The following GPS1 variants were observed in gnomAD, a reference collection of about 807,000 sequenced individuals.
The protein encoded by GPS1 is G protein pathway suppressor 1.
A neutral mutation model predicts 60.0 loss-of-function variants in GPS1; 11 were observed. The ratio of observed to expected loss-of-function variants is 0.18; its 90% confidence interval spans 0.12 to 0.30. The LOEUF is 0.30. Among genes scored for constraint, GPS1 ranks in the 10% least tolerant of loss-of-function variants. The pLI, the probability that GPS1 is intolerant of heterozygous loss-of-function variation, is 1.00. For missense variants in GPS1, 543 were observed against 669.2 expected (o/e 0.81, Z 2.08); for synonymous variants, 343 against 269.8 (o/e 1.27, Z -2.66).
chr17:82,053,735 A>G (rs974879884), intron 2 of GPS1, 133 bp from the exon 3 acceptor site: 10 of 863,060 alleles, frequency 1.2e-5, no homozygotes, highest in African/African-American at 6.8e-5. Flanking sequence ...TCGTACCCCC[A>G]TGCCCGGTTC....
upstream of GPS1, chr17:82,051,024 G>A (rs1240709018): frequency 3.6e-6 from 5 of 1,396,978 alleles, no homozygotes; most frequent in African/African-American, 1.5e-5. The surrounding 1 kb of genome is among the most constrained non-coding windows in gnomAD (Gnocchi z 4.1). Flanking sequence ...GGCCTGGAAG[G>A]GCGGATTCCC....
At chr17:82,052,683 G>C in intron 1 of GPS1, 1 of 573,860 alleles carries the variant, frequency 1.7e-6, no homozygotes, top group Non-Finnish European at 3.1e-6. Context: ...GCGAGTGCCC[G>C]GCATGGCGGC....
intron 7 of GPS1, 42 bp from the exon 8 acceptor site, chr17:82,055,959 C>G (rs2032600812): frequency 1.3e-6 from 2 of 1,506,926 alleles, no homozygotes; most frequent in African/African-American, 2.8e-5. Context: ...CAGGGGTGGC[C>G]TGGCCCTTCA....
chr17:82,051,148 C>T (rs965534852), upstream of GPS1: 37 of 1,312,246 alleles, frequency 2.8e-5, no homozygotes, highest in Non-Finnish European at 3.6e-5. This position sits in a 1 kb window ranked among gnomAD's most constrained non-coding sequence, Gnocchi z 4.1. Context: ...CCGCAGGCCG[C>T]GTGACCTGGG....
At chr17:82,052,574 A>G (rs1365103798) in intron 1 of GPS1, 1 of 1,287,286 alleles carries the variant, frequency 7.8e-7, no homozygotes, top group Non-Finnish European at 1.1e-6. Context: ...CTCAGTGCCA[A>G]GCGCAGGAGG....
rs1598476292 is a variant in GPS1 at position 82,051,958 on chromosome 17, C to T, written c.27C>T (p.Asn9=). 2.6e-6 allele frequency: 3 copies of T among 1,165,470 alleles called. No homozygotes were observed. The highest frequency in any genetic ancestry group is 3.2e-6 in the Non-Finnish European group (3 of 944,140). The allele number at this position is 1,165,470 out of a possible 1,614,324, so 72.2% of individuals were successfully genotyped here. Residue 9 remains asparagine, a synonymous_variant, in exon 1 of 13, where the codon AAC becomes AAT. Transcript: ENST00000578552. This position sits in a 1 kb window ranked among gnomAD's most constrained non-coding sequence, Gnocchi z 4.1. The stretch of plus-strand genomic sequence containing the variant: ...TGCCGCTGCCGGTTCAGGTGTTTAA[C>T]TTGCAGGTAACGAGCCGAGGCCGCC... The part of the protein sequence containing the change: MPLPVQVF[N]LQGAVEPMQI...
chr17:82,053,688 C>A, intron 2 of GPS1, 180 bp from the exon 3 acceptor site: 1 of 650,486 alleles, frequency 1.5e-6, no homozygotes, highest in Non-Finnish European at 2.6e-6. Flanking sequence ...CAGGCCCACC[C>A]CAGCGGTCTT....
intron 1 of GPS1, chr17:82,052,694 T>G: frequency 1.8e-6 from 1 of 556,994 alleles, no homozygotes; most frequent in Non-Finnish European, 3.2e-6. Flanking sequence ...GCATGGCGGC[T>G]TTTCCAGCCT....
At chr17:82,056,219 T>C in intron 8 of GPS1, 67 bp from the exon 9 acceptor site, 2 of 1,357,154 alleles carry the variant, frequency 1.5e-6, no homozygotes, top group Non-Finnish European at 2.1e-6. Context: ...TGGGGACTGG[T>C]GTCCCACTGG....
At position 82,051,962 on chromosome 17, in the gene GPS1, C is replaced by A; in HGVS notation, c.31C>A (p.Gln11Lys). 1 of 1,163,904 alleles carries A rather than the reference C, an allele frequency of 8.6e-7. No homozygotes were observed. The highest frequency in any genetic ancestry group is 3.8e-5 in the East Asian group (1 of 26,134). 72.1% of individuals were successfully genotyped at this position (1,163,904 alleles called of 1,614,324 possible). A position where few individuals can be genotyped will look rare whatever the true frequency, so the allele number is the denominator to read the frequency against. Residue 11 changes from glutamine (Q) to lysine (K), a missense_variant and splice_region_variant, in exon 1 of 13, where the codon CAG (glutamine) becomes AAG (lysine). Gln to Lys is a moderately conservative substitution (Grantham distance 53). Transcript: ENST00000578552. The surrounding 1 kb of genome is among the most constrained non-coding windows in gnomAD (Gnocchi z 4.1). MPLPVQVFNL[Q>K]GAVEPMQIDV... ...GCTGCCGGTTCAGGTGTTTAACTTG[C>A]AGGTAACGAGCCGAGGCCGCCCCGG...
At chr17:82,053,233 G>A (rs776597042) in intron 1 of GPS1, 41 bp from the exon 2 acceptor site, 12 of 1,476,056 alleles carry the variant, frequency 8.1e-6, no homozygotes, top group Non-Finnish European at 1.1e-5. Flanking sequence ...TCCTGGGGCA[G>A]TCCCCAGGAC....
At chr17:82,051,032 C>A, upstream of GPS1, 2 of 1,394,316 alleles carry the variant, frequency 1.4e-6, no homozygotes, top group Non-Finnish European at 1.9e-6. This position sits in a 1 kb window ranked among gnomAD's most constrained non-coding sequence, Gnocchi z 4.1. Context: ...AGGGCGGATT[C>A]CCTGCTGGCG....
intron 1 of GPS1, chr17:82,053,016 G>C (rs2031381252): frequency 3.0e-6 from 1 of 332,552 alleles, no homozygotes; most frequent in Admixed American, 4.8e-5. Flanking sequence ...GAGATGAGCG[G>C]CTAGAATCAG....
upstream of GPS1, chr17:82,051,506 G>T (rs1313843621): frequency 2.9e-6 from 4 of 1,384,874 alleles, no homozygotes; most frequent in African/African-American, 6.1e-5. The surrounding 1 kb of genome is among the most constrained non-coding windows in gnomAD (Gnocchi z 4.1). Context: ...GCACCTGCTG[G>T]CGGGCCCGGG....
At chr17:82,052,573 A>G (rs937852941) in intron 1 of GPS1, 1 of 1,303,926 alleles carries the variant, frequency 7.7e-7, no homozygotes, top group Admixed American at 2.5e-5. Context: ...ACTCAGTGCC[A>G]AGCGCAGGAG....
intron 1 of GPS1, 101 bp downstream of exon 1, chr17:82,052,065 G>T: frequency 1.1e-6 from 1 of 945,286 alleles, no homozygotes; most frequent in South Asian, 5.0e-5. Context: ...GCCAGGAGTC[G>T]GTCGGGCACG....
At position 82,054,954 on chromosome 17, in the gene GPS1, G is replaced by A; in HGVS notation, c.666G>A (p.Glu222=). ...TGCTCAGCTACGTCAGCAAGGCTGA[G>A]TCCACCCCAGAGATTGCCGAGGTAC... ...SHVLSYVSKA[E]STPEIAEQRG... Residue 222 remains glutamate (E), a synonymous_variant, in exon 5 of 13, where the codon GAG becomes GAA. Coordinates refer to ENST00000578552, the MANE Select transcript of GPS1 (RefSeq NM_001321092.3). 1 of 1,612,760 alleles carries A rather than the reference G, an allele frequency of 6.2e-7. No homozygotes were observed. Among genetic ancestry groups the A allele is most frequent in the South Asian group, 1.1e-5 (1 of 91,020 alleles).
chr17:82,052,025 G>A, intron 1 of GPS1, 61 bp downstream of exon 1: 4 of 1,114,954 alleles, frequency 3.6e-6, no homozygotes, highest in Non-Finnish European at 4.4e-6. Flanking sequence ...CTGGGGCCGG[G>A]CTGAGGTCGA....
intron 11 of GPS1, 36 bp from the exon 12 acceptor site, chr17:82,056,804 G>C: frequency 5.0e-6 from 8 of 1,608,242 alleles, no homozygotes; most frequent in Non-Finnish European, 6.8e-6. Context: ...GCAGCTGGGG[G>C]TGAGCCTGGG....
Sources: gnomAD v4.1 joint callset for allele counts on GRCh38, gnomAD v4.1.1 for gene constraint, Gnocchi (gnomAD v3.1) non-coding constraint, MANE v1.5 for transcripts, NCBI Gene and HGNC (gene_info 2026-07-23, HGNC 2026-07-21) for gene names.